Variants in TP63 observed in about 807,000 individuals in gnomAD.
The protein encoded by TP63 is tumor protein p63.
Under a neutral mutation model 82.8 loss-of-function variants are expected in TP63, and 17 were observed. The observed-to-expected ratio is 0.21, with a 90% CI of 0.14 to 0.31. The LOEUF (loss-of-function observed/expected upper bound fraction) is 0.31. TP63 is among the 10% of genes least tolerant of loss of function. The pLI is 1.00. For missense variants in TP63, 648 were observed against 895.3 expected, an observed-to-expected ratio of 0.72 and a Z score of 3.52; for synonymous variants, 330 against 321.7, an observed-to-expected ratio of 1.03 and a Z score of -0.28.
At chr3:189,775,174 C>T (rs546772579) in intron 3 of TP63, among the ~76,000 whole-genome samples, 32 of 136,546 alleles carry the variant, frequency 2.3e-4, no homozygotes, top group Non-Finnish European at 4.1e-4. Flanking sequence ...GAGCCAAGAT[C>T]GTGCCACTGC....
chr3:189,864,879 C>T (rs1031980398), intron 5 of TP63, among the ~76,000 whole-genome samples: 1 of 151,914 alleles, frequency 6.6e-6, no homozygotes. Flanking sequence ...TGGTGGCGGG[C>T]ACCTGTAGTC....
chr3:189,748,200 A>G (rs558481989), intron 3 of TP63, among the ~76,000 whole-genome samples: 1 of 152,212 alleles, frequency 6.6e-6, no homozygotes, highest in South Asian at 2.1e-4. Context: ...AGTCAGAGTA[A>G]TCAAGCAAGA....
At chr3:189,768,902 G>A (rs1017090229) in intron 3 of TP63, among the ~76,000 whole-genome samples, 16 of 152,132 alleles carry the variant, frequency 1.1e-4, no homozygotes, top group Non-Finnish European at 1.8e-4. Flanking sequence ...GTATGTTCAC[G>A]AAGATGACCA....
Position 189,889,464 on chromosome 3 carries a change from C to G in TP63, c.1632C>G (p.Pro544=). The change falls in exon 12 of 14, where the codon CCC becomes CCG. Residue 544 remains proline (P), a synonymous_variant. Coordinates refer to ENST00000264731, the MANE Select transcript of TP63 (RefSeq NM_003722.5). The stretch of plus-strand genomic sequence containing the variant: ...ACTGCACACCCCCACCTCCGTATCC[C>G]ACAGATTGCAGCATTGTCAGGTGAG... ...TSHCTPPPPY[P]TDCSIVSFLA... is the part of the protein sequence containing the mutation. The G allele has an allele frequency of 6.2e-7, 1 of 1,614,224 alleles. No individual in the cohort carries two copies. Among genetic ancestry groups the G allele is most frequent in the Non-Finnish European group, 8.5e-7 (1 of 1,180,018 alleles).
chr3:189,668,291 A>C (rs137983054), intron 1 of TP63, among the ~76,000 whole-genome samples: 1 of 152,156 alleles, frequency 6.6e-6, no homozygotes, highest in Non-Finnish European at 1.5e-5. Flanking sequence ...TATAAAATTG[A>C]AAAAATTAAA....
chr3:189,611,148 T>G, the TP63 span, among the ~76,000 whole-genome samples: 1 of 152,206 alleles, frequency 6.6e-6, no homozygotes, highest in African/African-American at 2.4e-5. Context: ...TTAAGTTTAA[T>G]TAGATCTCAT....
intron 1 of TP63, among the ~76,000 whole-genome samples, chr3:189,719,381 C>G (rs932613270): frequency 6.6e-6 from 1 of 152,062 alleles, no homozygotes; most frequent in African/African-American, 2.4e-5. Flanking sequence ...TGATTATGTG[C>G]CCATATTCAC....
At chr3:189,631,236 A>C, upstream of TP63, 1 of 985,378 alleles carries the variant, frequency 1.0e-6, no homozygotes, top group Non-Finnish European at 1.2e-6. Context: ...TGAAGCCGTG[A>C]GAGAGGGGGA....
At chr3:189,597,948 G>A in the TP63 span, among the ~76,000 whole-genome samples, 1 of 150,574 alleles carries the variant, frequency 6.6e-6, no homozygotes, top group Middle Eastern at 3.4e-3. Flanking sequence ...AAAAAAGTTA[G>A]AATTAATATT....
At chr3:189,714,945 T>C (rs1011866471) in intron 1 of TP63, among the ~76,000 whole-genome samples, 15 of 152,098 alleles carry the variant, frequency 9.9e-5, no homozygotes, top group Admixed American at 9.2e-4. Context: ...CAGCAAACTG[T>C]TTTATTTTCC....
chr3:189,887,258 G>T (rs1231324396), intron 11 of TP63, among the ~76,000 whole-genome samples: 2 of 150,160 alleles, frequency 1.3e-5, no homozygotes, highest in Non-Finnish European at 3.0e-5. Context: ...TGGACTCTAT[G>T]AAAAAAATAC....
At chr3:189,794,613 C>T (rs544491315) in intron 3 of TP63, among the ~76,000 whole-genome samples, 3 of 151,876 alleles carry the variant, frequency 2.0e-5, no homozygotes, top group African/African-American at 7.3e-5. Context: ...ATGAGACGAT[C>T]AGGAAATAAA....
At chr3:189,637,784 A>T (rs1186340500) in intron 1 of TP63, among the ~76,000 whole-genome samples, 6 of 152,160 alleles carry the variant, frequency 3.9e-5, no homozygotes, top group Admixed American at 3.3e-4. Flanking sequence ...TGAATATGTT[A>T]TGTTACACAG....
At chr3:189,600,132 C>G in the TP63 span, among the ~76,000 whole-genome samples, 631 of 152,110 alleles carry the variant, frequency 4.1e-3, 3 homozygotes, top group African/African-American at 0.014. Flanking sequence ...TTAGACAAGT[C>G]CTTTTGAGCA....
At chr3:189,679,978 G>A (rs1036984602) in intron 1 of TP63, among the ~76,000 whole-genome samples, 1 of 152,068 alleles carries the variant, frequency 6.6e-6, no homozygotes, top group African/African-American at 2.4e-5. Context: ...TGGTATACAT[G>A]TTAGTTTTTA....
intron 3 of TP63, among the ~76,000 whole-genome samples, chr3:189,804,959 A>G (rs1225116454): frequency 6.6e-6 from 1 of 152,250 alleles, no homozygotes; most frequent in Non-Finnish European, 1.5e-5. Context: ...TTTATGTTAT[A>G]TTAATTGAGG....
intron 4 of TP63, among the ~76,000 whole-genome samples, chr3:189,848,566 A>G (rs1283081564): frequency 6.6e-6 from 1 of 152,160 alleles, no homozygotes; most frequent in Non-Finnish European, 1.5e-5. Flanking sequence ...TGTTAAACTA[A>G]AAATGCTTTG....
chr3:189,836,311 G>T (rs77244103), intron 4 of TP63, among the ~76,000 whole-genome samples: 3,862 of 152,206 alleles, frequency 0.025, 147 homozygotes, highest in African/African-American at 0.088. Flanking sequence ...CAAAGTGTTG[G>T]AGGTTTACAA....
intron 3 of TP63, among the ~76,000 whole-genome samples, chr3:189,747,111 T>G (rs1229901831): frequency 6.6e-6 from 1 of 152,040 alleles, no homozygotes; most frequent in Non-Finnish European, 1.5e-5. Context: ...AAGCATATAT[T>G]ATTAGATCTA....
Sources: gnomAD v4.1 joint callset for allele counts (sites outside exome capture counted in the v4.1 genomes callset) on GRCh38, gnomAD v4.1.1 for gene constraint, MANE v1.5 for transcripts, NCBI Gene and HGNC (gene_info 2026-07-23, HGNC 2026-07-21) for gene names.